The following ST3GAL6 variants were observed in gnomAD, a reference collection of about 807,000 sequenced individuals.
The protein encoded by ST3GAL6 is type 2 lactosamine alpha-2,3-sialyltransferase.
Under a neutral mutation model 40.5 loss-of-function variants are expected in ST3GAL6, and 31 were observed. The ratio of observed to expected loss-of-function variants is 0.77; its 90% CI spans 0.58 to 1.03. The LOEUF (loss-of-function observed/expected upper bound fraction) is 1.03, where lower values mean the gene tolerates loss of function less well. ST3GAL6 is among the 50% of genes least tolerant of loss of function. ST3GAL6 has a pLI of 0.00. For synonymous variants in ST3GAL6, 129 were observed against 136.9 expected, an observed-to-expected ratio of 0.94 and a Z score of 0.40; for missense variants, 357 against 393.2, an observed-to-expected ratio of 0.91 and a Z score of 0.78.
chr3:98,763,351 A>G lies in ST3GAL6; in HGVS notation c.-100A>G, dbSNP rs1937986173. On this transcript the variant is annotated 5_prime_UTR_variant, in exon 1 of 10. Transcript: ENST00000483910. Reference sequence around the variant, plus strand: ...CTGGAGTGTATGTCAGTGTGAGCTGAAGACCAGCAGAGACTAGGATGGATG... The same window carrying G: ...CTGGAGTGTATGTCAGTGTGAGCTGGAGACCAGCAGAGACTAGGATGGATG... 3.9e-6 allele frequency: 5 copies of G among 1,289,730 alleles called. No individual in the cohort carries two copies. Among genetic ancestry groups the G allele is most frequent in the Non-Finnish European group, 3.0e-6 (3 of 988,864 alleles). 79.9% of individuals were successfully genotyped at this position (1,289,730 alleles called of 1,614,324 possible). A position where few individuals can be genotyped will look rare whatever the true frequency, so the allele number is the denominator to read the frequency against.
At chr3:98,761,136 T>C (rs1356566809), upstream of ST3GAL6, among the ~76,000 whole-genome samples, 2 of 152,184 alleles carry the variant, frequency 1.3e-5, no homozygotes, top group Non-Finnish European at 2.9e-5. Flanking sequence ...ATGACTTCAG[T>C]GGTTGTTACC....
chr3:98,768,858 C>A (rs1449310299), intron 2 of ST3GAL6, among the ~76,000 whole-genome samples: 4 of 152,112 alleles, frequency 2.6e-5, no homozygotes, highest in African/African-American at 4.8e-5. Flanking sequence ...CTTTTGGAAC[C>A]TAAAATGCTT....
chr3:98,769,007 A>G (rs1938677540), intron 2 of ST3GAL6, among the ~76,000 whole-genome samples: 4 of 152,242 alleles, frequency 2.6e-5, no homozygotes, highest in Admixed American at 2.6e-4. Context: ...AGAGGCACAG[A>G]TAGTTTTACT....
intron 2 of ST3GAL6, among the ~76,000 whole-genome samples, chr3:98,770,185 T>C (rs1938819347): frequency 6.6e-6 from 1 of 152,210 alleles, no homozygotes; most frequent in Non-Finnish European, 1.5e-5. Flanking sequence ...CATTAATAAG[T>C]TTTTGTATTA....
At chr3:98,788,535 T>C in intron 8 of ST3GAL6, 72 bp downstream of exon 8, 2 of 1,404,188 alleles carry the variant, frequency 1.4e-6, no homozygotes, top group Middle Eastern at 3.7e-4. Context: ...CTGGGAACTC[T>C]CAGAAACTGT....
chr3:98,753,040 G>A (rs1190431454), intron 1 of ST3GAL6, among the ~76,000 whole-genome samples: 1 of 152,190 alleles, frequency 6.6e-6, no homozygotes, highest in African/African-American at 2.4e-5. Flanking sequence ...TCAAACGCTA[G>A]TAATGATTAA....
intron 1 of ST3GAL6, among the ~76,000 whole-genome samples, chr3:98,749,686 G>A (rs1362735993): frequency 6.6e-6 from 1 of 152,164 alleles, no homozygotes. Flanking sequence ...TTGGAAGGGG[G>A]ACTTTTAGAA....
In ST3GAL6 at chr3:98,783,570, G is replaced by GA. The variant is rs927139361; in HGVS notation, c.336-1369dup. 8 of 983,292 alleles carry GA rather than the reference G, an allele frequency of 8.1e-6. No homozygotes were observed. The African/African-American group carries it at 1.2e-4, about 15-fold the overall frequency. The allele number at this position is 983,292 out of a possible 1,614,324, so 60.9% of individuals were successfully genotyped here. ...TTTTTGCTCCATCTATAGACTCCCA[G>GA]AAAAAAGAAATAAAAAAAATGCAAA... On this transcript the variant is annotated intron_variant, in intron 5 of 9. Coordinates refer to ENST00000483910, the MANE Select transcript of ST3GAL6 (RefSeq NM_001323368.2).
intron 1 of ST3GAL6, among the ~76,000 whole-genome samples, chr3:98,752,718 G>A (rs964430312): frequency 1.3e-5 from 2 of 152,082 alleles, no homozygotes; most frequent in South Asian, 2.1e-4. Flanking sequence ...TGATCTGCCC[G>A]CCTCGGCCTC....
intron 1 of ST3GAL6, among the ~76,000 whole-genome samples, chr3:98,746,216 T>C (rs1323598398): frequency 6.6e-6 from 1 of 152,194 alleles, no homozygotes; most frequent in Non-Finnish European, 1.5e-5. Context: ...GGGTGCCTCC[T>C]GAAGCTTGGA....
At chr3:98,783,940 A>C (rs947224937) in intron 5 of ST3GAL6, among the ~76,000 whole-genome samples, 16 of 152,220 alleles carry the variant, frequency 1.1e-4, no homozygotes, top group African/African-American at 3.9e-4. Context: ...TTACCTGACA[A>C]AGCCAATGCT....
At chr3:98,768,392 C>T in intron 1 of ST3GAL6, 38 bp from the exon 2 acceptor site, 1 of 1,438,832 alleles carries the variant, frequency 7.0e-7, no homozygotes, top group Non-Finnish European at 9.8e-7. Flanking sequence ...TGTATAACAA[C>T]CTGGCCTTTG....
At chr3:98,766,776 T>C (rs937449497) in intron 1 of ST3GAL6, among the ~76,000 whole-genome samples, 2 of 152,184 alleles carry the variant, frequency 1.3e-5, no homozygotes, top group African/African-American at 2.4e-5. Context: ...TTTAATAAGA[T>C]GTTCCTCACT....
At chr3:98,754,806 A>C (rs1937299274) in intron 1 of ST3GAL6, among the ~76,000 whole-genome samples, 1 of 152,248 alleles carries the variant, frequency 6.6e-6, no homozygotes, top group Admixed American at 6.5e-5. Flanking sequence ...AACTCAGTGA[A>C]GGCTCATATG....
At chr3:98,733,419 T>G in intron 1 of ST3GAL6, 1 of 1,009,068 alleles carries the variant, frequency 9.9e-7, no homozygotes, top group Non-Finnish European at 1.2e-6. Flanking sequence ...AGTGTCCAGC[T>G]CCTCGTTCAC....
intron 4 of ST3GAL6, among the ~76,000 whole-genome samples, 176 bp from the exon 5 acceptor site, chr3:98,773,744 T>C (rs1576098524): frequency 6.6e-6 from 1 of 152,280 alleles, no homozygotes; most frequent in South Asian, 2.1e-4. Context: ...CGATTTTGAA[T>C]GGGCCTGCTG....
intron 9 of ST3GAL6, among the ~76,000 whole-genome samples, chr3:98,793,134 G>A (rs2107379518): frequency 6.6e-6 from 1 of 152,148 alleles, no homozygotes; most frequent in Non-Finnish European, 1.5e-5. Context: ...AACAGACTTT[G>A]GATTAGGCTG....
rs139169098 is a variant in ST3GAL6 at position 98,756,231 on chromosome 3, C to G, written c.-11-12199C>G. 1,179 of 615,888 alleles carry G rather than the reference C, an allele frequency of 1.9e-3. 8 individuals carry two copies. Among genetic ancestry groups the G allele is most frequent in the African/African-American group, 0.014 (735 of 51,486 alleles). The allele number at this position is 615,888 out of a possible 1,614,324, so 38.2% of individuals were successfully genotyped here. A position where few individuals can be genotyped will look rare whatever the true frequency, so the allele number is the denominator to read the frequency against. On this transcript the variant is annotated intron_variant, in intron 1 of 9. Transcript: ENST00000265261. ...TTTTTGTGTTTGGTAATTTCATCATCCTGGAAAACATTTTTTAGGAGATCA... is the reference window on the plus strand; with the variant it reads ...TTTTTGTGTTTGGTAATTTCATCATGCTGGAAAACATTTTTTAGGAGATCA...
At chr3:98,733,935 C>A (rs1935294488) in intron 1 of ST3GAL6, among the ~76,000 whole-genome samples, 1 of 152,158 alleles carries the variant, frequency 6.6e-6, no homozygotes. Flanking sequence ...AGAAATCACA[C>A]CGAGTCTAAA....
Sources: allele counts gnomAD v4.1 joint callset (sites outside exome capture counted in the v4.1 genomes callset), GRCh38; gene constraint gnomAD v4.1.1; transcripts MANE v1.5; gene names NCBI Gene and HGNC (gene_info 2026-07-23, HGNC 2026-07-21).